CREB1: variants seen among roughly 807,000 people sequenced by gnomAD.
CREB1 encodes the protein cyclic AMP-responsive element-binding protein 1.
Under a neutral mutation model 42.0 loss-of-function variants are expected in CREB1, and 2 were observed. That is an observed-to-expected ratio of 0.05 (90% CI 0.02 to 0.15). The LOEUF is 0.15. CREB1 is among the 10% of genes least tolerant of loss of function. The pLI is 1.00. For missense variants in CREB1, 199 were observed against 388.9 expected, an observed-to-expected ratio of 0.51 and a Z score of 4.11; for synonymous variants, 123 against 139.9, an observed-to-expected ratio of 0.88 and a Z score of 0.85.
Position 207,596,909 on chromosome 2 carries a change from T to C in CREB1, c.840-5T>C. ...ATAATTTTTCCCGTCCTCTTTTGCTTGTAGGGAAGCAGCTCGAGAGTGTCG... is the reference window on the plus strand; with the variant it reads ...ATAATTTTTCCCGTCCTCTTTTGCTCGTAGGGAAGCAGCTCGAGAGTGTCG... On this transcript the variant is annotated splice_polypyrimidine_tract_variant and splice_region_variant and intron_variant, in intron 7 of 7. Coordinates refer to ENST00000353267, the MANE Select transcript of CREB1 (RefSeq NM_004379.5). 2 of 1,602,482 alleles carry C rather than the reference T, an allele frequency of 1.2e-6. No homozygotes were observed.
chr2:207,552,042 CA>C (rs71036931), intron 1 of CREB1, among the ~76,000 whole-genome samples: 12,194 of 68,894 alleles, frequency 0.18, 226 homozygotes, highest in Middle Eastern at 0.25. Flanking sequence ...AACTCCGTCT[CA>C]AAAAAAAAAA....
intron 3 of CREB1, among the ~76,000 whole-genome samples, chr2:207,565,026 T>G (rs1230972916): frequency 6.7e-6 from 1 of 150,336 alleles, no homozygotes; most frequent in Non-Finnish European, 1.5e-5. Context: ...CTCAGTTATG[T>G]GGGTCCAGTA....
chr2:207,570,363 A>C (rs752980714), intron 5 of CREB1, 42 bp downstream of exon 5: 55 of 1,526,188 alleles, frequency 3.6e-5, no homozygotes, highest in Admixed American at 6.2e-5. Flanking sequence ...GAGGAGAAAA[A>C]AGTGAGGAGA....
Position 207,597,102 on chromosome 2 carries a change from G to A in CREB1, c.*44G>A, listed in dbSNP as rs372883715. 31 of 1,542,582 alleles carry A rather than the reference G, an allele frequency of 2.0e-5. No individual in the cohort carries two copies. Among genetic ancestry groups the A allele is most frequent in the Non-Finnish European group, 2.3e-5 (26 of 1,150,492 alleles). On this transcript the variant is annotated 3_prime_UTR_variant, in exon 8 of 8. Coordinates refer to ENST00000353267, the MANE Select transcript of CREB1 (RefSeq NM_004379.5). ...ACCTGTTAAGGTGGAAAATGGACTG[G>A]CTTGGCCACAACCTGAAAGACAAAA...
chr2:207,544,587 G>A (rs1281077471), intron 1 of CREB1, among the ~76,000 whole-genome samples: 2 of 152,150 alleles, frequency 1.3e-5, no homozygotes, highest in African/African-American at 4.8e-5. Context: ...AGGGGTACAT[G>A]TGCAGGATGT....
intron 7 of CREB1, among the ~76,000 whole-genome samples, chr2:207,590,361 T>C (rs1326726765): frequency 6.6e-6 from 1 of 151,962 alleles, no homozygotes; most frequent in East Asian, 1.9e-4. Context: ...TCCTTTTTTT[T>C]TAAGTCTGGC....
chr2:207,536,807 T>C (rs2080891598), intron 1 of CREB1, among the ~76,000 whole-genome samples: 1 of 151,880 alleles, frequency 6.6e-6, no homozygotes. Context: ...CTGGCCAAGA[T>C]GGTGAAACCC....
Position 207,597,248 on chromosome 2 carries a change from C to T in CREB1, c.*190C>T, listed in dbSNP as rs941982271. 2 of 515,554 alleles carry T rather than the reference C, an allele frequency of 3.9e-6. No individual in the cohort carries two copies. The highest frequency in any genetic ancestry group is 6.3e-6 in the Non-Finnish European group (2 of 315,794). 31.9% of individuals were successfully genotyped at this position (515,554 alleles called of 1,614,324 possible). ...CTGTGAATGTTCCAACACCTGCCTC[C>T]ACTTCTCCCCTCAAGAAATTTTCAA... is the stretch of plus-strand genomic sequence containing the variant. On this transcript the variant is annotated 3_prime_UTR_variant, in exon 8 of 8. Transcript: ENST00000353267.
intron 1 of CREB1, chr2:207,534,500 C>A (rs2080786855): frequency 6.6e-6 from 1 of 152,190 alleles, no homozygotes; most frequent in African/African-American, 2.4e-5. Context: ...CCCAGCTGGT[C>A]TGTTACTTTT....
chr2:207,596,786 A>T (rs765011156), intron 7 of CREB1, 128 bp from the exon 8 acceptor site: 2 of 1,076,920 alleles, frequency 1.9e-6, no homozygotes, highest in Non-Finnish European at 2.6e-6. Flanking sequence ...TATCTTTTCC[A>T]ATGCTTAATA....
intron 7 of CREB1, among the ~76,000 whole-genome samples, chr2:207,584,050 C>A (rs1461865855): frequency 6.6e-6 from 1 of 152,168 alleles, no homozygotes; most frequent in East Asian, 1.9e-4. Context: ...TATAGATATA[C>A]TGTGCTTTGT....
chr2:207,594,850 G>A (rs1170372614), intron 7 of CREB1, among the ~76,000 whole-genome samples: 1 of 152,148 alleles, frequency 6.6e-6, no homozygotes, highest in African/African-American at 2.4e-5. Flanking sequence ...GTACACAAGA[G>A]TTCCAGTTTC....
chr2:207,581,710 G>T, intron 7 of CREB1: 1 of 591,972 alleles, frequency 1.7e-6, no homozygotes, highest in Non-Finnish European at 3.0e-6. Context: ...ACATAACCAG[G>T]GTACATTTAT....
intron 7 of CREB1, chr2:207,581,882 C>T (rs938899635): frequency 5.7e-6 from 4 of 702,882 alleles, no homozygotes; most frequent in East Asian, 5.4e-5. Context: ...GGCCTTGTAA[C>T]TTTTGAAGAG....
intron 1 of CREB1, among the ~76,000 whole-genome samples, chr2:207,553,062 C>CTTTTTTTT (rs10561230): frequency 1.6e-5 from 1 of 63,188 alleles, no homozygotes; most frequent in African/African-American, 5.8e-5. Flanking sequence ...TACAGGTAGA[C>CTTTTTTTT]TTTTTTTTTT....
rs372887564 is a variant in CREB1, at chr2:207,599,547, C to A, written c.*2489C>A. On this transcript the variant is annotated 3_prime_UTR_variant, in exon 8 of 8. Transcript: ENST00000353267. ...AGTTATAAAGACCTTATCCTTCATACCTTGAGGATGATTGCACTGGTTTTG... is the reference window on the plus strand; with the variant it reads ...AGTTATAAAGACCTTATCCTTCATAACTTGAGGATGATTGCACTGGTTTTG... The A allele has an allele frequency of 5.1e-6, 1 of 196,944 alleles. No individual in the cohort carries two copies. The highest frequency in any genetic ancestry group is 2.3e-5 in the African/African-American group (1 of 43,288). The allele number at this position is 196,944 out of a possible 1,614,324, so 12.2% of individuals were successfully genotyped here.
intron 1 of CREB1, among the ~76,000 whole-genome samples, chr2:207,537,795 T>TTC (rs1559262475): frequency 1.3e-5 from 2 of 152,204 alleles, no homozygotes; most frequent in Non-Finnish European, 2.9e-5. Flanking sequence ...GTTTTGCCTT[T>TTC]TCTCTCTCTC....
chr2:207,591,186 CTACT>C (rs1215486504), intron 7 of CREB1, among the ~76,000 whole-genome samples: 1 of 152,138 alleles, frequency 6.6e-6, no homozygotes, highest in Non-Finnish European at 1.5e-5. Flanking sequence ...CTCTGAGACT[CTACT>C]TAGTCTATCA....
intron 3 of CREB1, among the ~76,000 whole-genome samples, chr2:207,563,714 C>T (rs576575910): frequency 2.0e-5 from 3 of 152,270 alleles, no homozygotes; most frequent in South Asian, 4.1e-4. Flanking sequence ...GAGGCTGAGG[C>T]GGGCGGATCA....
Sources: gnomAD v4.1 joint callset for allele counts (sites outside exome capture counted in the v4.1 genomes callset) on GRCh38, gnomAD v4.1.1 for gene constraint, MANE v1.5 for transcripts, NCBI Gene and HGNC (gene_info 2026-07-23, HGNC 2026-07-21) for gene names.